TAF2: variants seen among roughly 807,000 people sequenced by gnomAD.
TAF2 encodes the protein TATA-box binding protein associated factor 2.
A neutral mutation model predicts 138.5 loss-of-function variants in TAF2; 61 were observed. The ratio of observed to expected loss-of-function variants is 0.44; its 90% CI spans 0.36 to 0.54. The LOEUF (loss-of-function observed/expected upper bound fraction) is 0.54. TAF2 is among the 20% of genes least tolerant of loss of function. The pLI is 0.00. For missense variants in TAF2, 1,090 were observed against 1,427.9 expected (o/e 0.76, Z 3.81); for synonymous variants, 475 against 469.9 (o/e 1.01, Z -0.14).
At chr8:119,831,476 G>T (rs759033431) in intron 2 of TAF2, among the ~76,000 whole-genome samples, 1 of 152,040 alleles carries the variant, frequency 6.6e-6, no homozygotes, top group Non-Finnish European at 1.5e-5. Flanking sequence ...GAAAAAAAAG[G>T]AAAGGGAGAA....
At chr8:119,771,049 C>T (rs150473261) in intron 18 of TAF2, among the ~76,000 whole-genome samples, 15,242 of 151,684 alleles carry the variant, frequency 0.1, 1,152 homozygotes, top group African/African-American at 0.21. Context: ...CCAGCCTGGG[C>T]GACAGAGCGA....
At chr8:119,763,554 A>G (rs867771755) in intron 18 of TAF2, among the ~76,000 whole-genome samples, 122 of 151,918 alleles carry the variant, frequency 8.0e-4, no homozygotes, top group African/African-American at 2.4e-3. Flanking sequence ...ACATGGTGAA[A>G]CCCCATCTCT....
At chr8:119,826,724 G>A (rs1196528825) in intron 2 of TAF2, among the ~76,000 whole-genome samples, 1 of 151,950 alleles carries the variant, frequency 6.6e-6, no homozygotes, top group African/African-American at 2.4e-5. Flanking sequence ...TTGAGTAGCT[G>A]GGATTACAGG....
At chr8:119,819,528 A>G in intron 2 of TAF2, 22 bp from the exon 3 acceptor site, 1 of 1,577,982 alleles carries the variant, frequency 6.3e-7, no homozygotes, top group Non-Finnish European at 8.6e-7. Flanking sequence ...GAGAATAACA[A>G]CTTCATTATA....
chr8:119,773,471 G>A (rs1213731493), intron 18 of TAF2, among the ~76,000 whole-genome samples: 2 of 151,418 alleles, frequency 1.3e-5, no homozygotes, highest in Non-Finnish European at 2.9e-5. Flanking sequence ...GACTTACAGA[G>A]GGTTAAATTT....
At chr8:119,779,519 A>G (rs1586409083) in intron 17 of TAF2, among the ~76,000 whole-genome samples, 1 of 152,186 alleles carries the variant, frequency 6.6e-6, no homozygotes, top group East Asian at 1.9e-4. Flanking sequence ...TTGCTTCTAT[A>G]CCATAAATTC....
At chr8:119,746,204 T>C (rs1819954240) in intron 23 of TAF2, among the ~76,000 whole-genome samples, 1 of 151,712 alleles carries the variant, frequency 6.6e-6, no homozygotes, top group Admixed American at 6.6e-5. Context: ...AAATTCCGTT[T>C]CTACTAAAAA....
chr8:119,742,820 A>T (rs1185636758), intron 24 of TAF2, among the ~76,000 whole-genome samples, 164 bp from the exon 25 acceptor site: 1 of 152,122 alleles, frequency 6.6e-6, no homozygotes, highest in Non-Finnish European at 1.5e-5. Flanking sequence ...AGTGGCTCAC[A>T]TCTTTAATCC....
At chr8:119,798,998 T>G (rs1318370389) in intron 6 of TAF2, among the ~76,000 whole-genome samples, 1 of 152,108 alleles carries the variant, frequency 6.6e-6, no homozygotes, top group Non-Finnish European at 1.5e-5. Context: ...TTACTGATAA[T>G]GCAGACAAGT....
intron 11 of TAF2, among the ~76,000 whole-genome samples, chr8:119,790,094 A>C (rs1823314052): frequency 6.6e-6 from 1 of 152,148 alleles, no homozygotes; most frequent in Admixed American, 6.6e-5. Flanking sequence ...TACCACTCCA[A>C]AGCTTGAGTG....
chr8:119,778,012 A>G lies in TAF2; in HGVS notation c.2364+7T>C, dbSNP rs1450140100. 6 of 1,409,164 alleles carry G rather than the reference A, an allele frequency of 4.3e-6. No homozygotes were observed. The highest frequency in any genetic ancestry group is 3.5e-5 in the Admixed American group (2 of 56,822). The allele number at this position is 1,409,164 out of a possible 1,614,324, so 87.3% of individuals were successfully genotyped here. A position where few individuals can be genotyped will look rare whatever the true frequency, so the allele number is the denominator to read the frequency against. ...TTGTAGAAGATTTAAAAATAAAAGT[A>G]CCTCACCTTATTTTTCCTGTTGTCA... On this transcript the variant is annotated splice_region_variant and intron_variant, in intron 18 of 25. Coordinates refer to ENST00000378164, the MANE Select transcript of TAF2 (RefSeq NM_003184.4).
At position 119,764,130 on chromosome 8, in the gene TAF2, A is replaced by G. The variant is rs374709476; in HGVS notation, c.2365-1522T>C. Among the ~76,000 whole-genome samples the G allele has an allele frequency of 2.1e-4, 32 of 152,212 alleles. No homozygotes were observed. In the East Asian group the frequency reaches 6.0e-3, roughly 28 times the overall value. On this transcript the variant is annotated intron_variant, in intron 18 of 25. Coordinates refer to ENST00000378164, the MANE Select transcript of TAF2 (RefSeq NM_003184.4). ...CACTGCACTCCAGCCTGGGTGAGAGAGCCAGACTCCATCTCAAAAAAAATA... is the reference window on the plus strand; with the variant it reads ...CACTGCACTCCAGCCTGGGTGAGAGGGCCAGACTCCATCTCAAAAAAAATA...
rs991339250 is a variant in TAF2, at chr8:119,832,800, G to A, written c.-236C>T. On this transcript the variant is annotated 5_prime_UTR_variant, in exon 1 of 26. Transcript: ENST00000378164. ...TCACAGAGATGCTCCTCTCCGCAAG[G>A]GCTCGAAGCTACCATCCGCCGACAT... is the stretch of plus-strand genomic sequence containing the variant. The A allele has an allele frequency of 2.5e-5, 12 of 474,620 alleles. No individual in the cohort carries two copies. The highest frequency in any genetic ancestry group is 1.4e-4 in the African/African-American group (7 of 50,900). 29.4% of individuals were successfully genotyped at this position (474,620 alleles called of 1,614,324 possible).
chr8:119,792,135 G>T (rs1586449430), intron 10 of TAF2, among the ~76,000 whole-genome samples: 1 of 148,364 alleles, frequency 6.7e-6, no homozygotes, highest in African/African-American at 2.4e-5. Context: ...ATGCCTAGAA[G>T]AATTTCTTTC....
At chr8:119,791,674 A>C (rs191107608) in intron 10 of TAF2, 2 of 493,386 alleles carry the variant, frequency 4.1e-6, no homozygotes, top group African/African-American at 3.9e-5. Flanking sequence ...AAATGGAAAC[A>C]AACACCAAGC....
At chr8:119,737,095 T>C (rs1265362813) in intron 25 of TAF2, among the ~76,000 whole-genome samples, 1 of 152,134 alleles carries the variant, frequency 6.6e-6, no homozygotes, top group Non-Finnish European at 1.5e-5. Flanking sequence ...TTCAAAAAGA[T>C]ACAAAGGCTA....
At position 119,832,810 on chromosome 8, in the gene TAF2, T is replaced by C. The variant is rs1021208974; in HGVS notation, c.-246A>G. On this transcript the variant is annotated 5_prime_UTR_variant, in exon 1 of 26. Coordinates refer to ENST00000378164, the MANE Select transcript of TAF2 (RefSeq NM_003184.4). ...GCTCCTCTCCGCAAGGGCTCGAAGC[T>C]ACCATCCGCCGACATCTTGTCTGTA... The C allele has an allele frequency of 6.5e-6, 3 of 459,884 alleles. No individual in the cohort carries two copies. Among genetic ancestry groups the C allele is most frequent in the African/African-American group, 2.0e-5 (1 of 50,592 alleles). The allele number at this position is 459,884 out of a possible 1,614,324, so 28.5% of individuals were successfully genotyped here.
chr8:119,807,180 T>C (rs1824718020), intron 3 of TAF2, among the ~76,000 whole-genome samples: 1 of 152,218 alleles, frequency 6.6e-6, no homozygotes, highest in South Asian at 2.1e-4. Flanking sequence ...CACCCATTAG[T>C]GCATCATAAT....
intron 8 of TAF2, among the ~76,000 whole-genome samples, chr8:119,796,047 T>A (rs1428331762): frequency 6.6e-6 from 1 of 152,144 alleles, no homozygotes; most frequent in African/African-American, 2.4e-5. Flanking sequence ...TTACCAATGA[T>A]ATTCTAAAAC....
Sources: allele counts gnomAD v4.1 joint callset (sites outside exome capture counted in the v4.1 genomes callset), GRCh38; gene constraint gnomAD v4.1.1; transcripts MANE v1.5; gene names NCBI Gene and HGNC (gene_info 2026-07-23, HGNC 2026-07-21).